C2CD2L: variants seen among roughly 807,000 people sequenced by gnomAD.
The protein encoded by C2CD2L is phospholipid transfer protein C2CD2L.
In C2CD2L, 24 loss-of-function variants were observed where a neutral mutation model predicts 69.9. The ratio of observed to expected loss-of-function variants is 0.34; its 90% CI spans 0.25 to 0.48. The LOEUF is 0.48. C2CD2L is among the 20% of genes least tolerant of loss of function. C2CD2L has a pLI of 0.99. For missense variants in C2CD2L, 811 were observed against 941.5 expected, an observed-to-expected ratio of 0.86 and a Z score of 1.81; for synonymous variants, 367 against 391.0, an observed-to-expected ratio of 0.94 and a Z score of 0.72.
rs537560284 is a variant in C2CD2L at position 119,112,855 on chromosome 11, C to T, written c.1368C>T (p.Pro456=). 1.2e-6 allele frequency: 2 copies of T among 1,613,842 alleles called. No individual in the cohort carries two copies. The highest frequency in any genetic ancestry group is 3.3e-5 in the Admixed American group (2 of 59,994). ...CAGTCACCACTGTCCAGTCCCGGCC[C>T]CGTATAGACGGCAAATTAGGTAAAG... The part of the protein sequence containing the change: ...VTTVTTVQSR[P]RIDGKLDSPS... The change falls in exon 10 of 14, where the codon CCC becomes CCT. Residue 456 remains proline (P), a synonymous_variant. Transcript: ENST00000648610.
At chr11:119,102,477 T>G, upstream of C2CD2L, 2 of 374,450 alleles carry the variant, frequency 5.3e-6, no homozygotes, top group Non-Finnish European at 1.1e-5. Flanking sequence ...CTGTTTTTCT[T>G]GTCCTCGATT....
chr11:119,116,286 C>T lies in C2CD2L; in HGVS notation c.*30C>T, dbSNP rs1310763962. On this transcript the variant is annotated 3_prime_UTR_variant, in exon 14 of 14. Coordinates refer to ENST00000648610, the MANE Select transcript of C2CD2L (RefSeq NM_001290474.2). ...CCAGCTCTGAAAGGGCACGAGTTCT[C>T]TCAGCCCATTCCCCACCTCCCCTTC... The T allele has an allele frequency of 6.5e-7, 1 of 1,535,542 alleles. No individual in the cohort carries two copies. Among genetic ancestry groups the T allele is most frequent in the Admixed American group, 1.7e-5 (1 of 59,764 alleles).
At chr11:119,112,929 C>T in intron 10 of C2CD2L, 55 bp downstream of exon 10, 2 of 1,477,302 alleles carry the variant, frequency 1.4e-6, no homozygotes, top group Non-Finnish European at 9.3e-7. Context: ...GGACTGCAGA[C>T]CCAAGGCAGG....
upstream of C2CD2L, among the ~76,000 whole-genome samples, chr11:119,104,339 C>T (rs1322436191): frequency 6.6e-6 from 1 of 152,146 alleles, no homozygotes; most frequent in Non-Finnish European, 1.5e-5. Context: ...TATTGGGAAG[C>T]TTTATCTCTT....
rs940118955 is a variant in C2CD2L at position 119,109,446 on chromosome 11, C to A, written c.355-658C>A. On this transcript the variant is annotated intron_variant, in intron 1 of 13. Transcript: ENST00000648610. This position sits in a 1 kb window ranked among gnomAD's most constrained non-coding sequence, Gnocchi z 5.1. ...CTCTCTAATACCGTCCTGCTATCTG[C>A]CTTGAGGAATTAGCCAGGCCCCTGG... 2.6e-5 allele frequency among the ~76,000 whole-genome samples: 4 copies of A among 152,224 alleles called. No individual in the cohort carries two copies. The highest frequency in any genetic ancestry group is 9.7e-5 in the African/African-American group (4 of 41,450).
At chr11:119,104,731 C>T (rs761633938), upstream of C2CD2L, among the ~76,000 whole-genome samples, 1 of 152,222 alleles carries the variant, frequency 6.6e-6, no homozygotes, top group Non-Finnish European at 1.5e-5. Context: ...TCTAAGTAGC[C>T]TTGAGTGGCT....
At chr11:119,113,387 C>A in intron 10 of C2CD2L, 1 of 575,378 alleles carries the variant, frequency 1.7e-6, no homozygotes. Flanking sequence ...TTCATAGCAT[C>A]TCCCCACACC....
In C2CD2L at chr11:119,110,596, G is replaced by C; in HGVS notation, c.486G>C (p.Arg162=). The C allele has an allele frequency of 6.2e-7, 1 of 1,610,918 alleles. No homozygotes were observed. The highest frequency in any genetic ancestry group is 8.5e-7 in the Non-Finnish European group (1 of 1,179,462). Residue 162 remains arginine (R), a synonymous_variant, in exon 3 of 14, where the codon CGG becomes CGC. Coordinates refer to ENST00000648610, the MANE Select transcript of C2CD2L (RefSeq NM_001290474.2). The surrounding 1 kb of genome is among the most constrained non-coding windows in gnomAD (Gnocchi z 5.7). ...GCCAGCTCTCTGCTGAGGAGGTGCG[G>C]TTCCCAGTCTCTGTGACCCAGCAGT... ...LRCQLSAEEV[R]FPVSVTQQSP...
At chr11:119,113,501 A>G (rs1054112027) in intron 10 of C2CD2L, 110 bp from the exon 11 acceptor site, 8 of 1,463,050 alleles carry the variant, frequency 5.5e-6, no homozygotes, top group Non-Finnish European at 7.3e-6. Context: ...ATCACCCTTT[A>G]ATCATTCTTG....
In C2CD2L at chr11:119,113,884, C is replaced by G; in HGVS notation, c.1519C>G (p.Pro507Ala). Residue 507 changes from proline (P) to alanine (A), a missense_variant, in exon 12 of 14, where the codon CCT becomes GCT. Transcript: ENST00000648610. The stretch of plus-strand genomic sequence containing the variant: ...CAGCCACCTTTCCAACGGCTTGGAC[C>G]CTGTAGCAGAGACAGCGATTCGCCA... The part of the protein sequence containing the change: ...RDSHLSNGLD[P>A]VAETAIRQLT... 5 of 1,614,146 alleles carry G rather than the reference C, an allele frequency of 3.1e-6. No homozygotes were observed. Among genetic ancestry groups the G allele is most frequent in the Non-Finnish European group, 4.2e-6 (5 of 1,180,018 alleles).
At chr11:119,102,853 T>C (rs1946530444), upstream of C2CD2L, among the ~76,000 whole-genome samples, 1 of 143,160 alleles carries the variant, frequency 7.0e-6, no homozygotes, top group Admixed American at 7.2e-5. Context: ...AAACAACAAT[T>C]CACCAGCTTT....
rs547150060 is a variant in C2CD2L, at chr11:119,113,617, C to T, written c.1394C>T (p.Pro465Leu). The T allele has an allele frequency of 6.2e-7, 1 of 1,613,080 alleles. No homozygotes were observed. The highest frequency in any genetic ancestry group is 2.2e-5 in the East Asian group (1 of 44,862). Residue 465 changes from proline to leucine, a missense_variant, in exon 11 of 14, where the codon CCC becomes CTC. Physicochemically the swap from Pro to Leu is moderately conservative, Grantham distance 98. Coordinates refer to ENST00000648610, the MANE Select transcript of C2CD2L (RefSeq NM_001290474.2). ...RPRIDGKLDS[P>L]SRSPSKVEVT... ...ACCCTCCCCCACCCACCAGACTCCC[C>T]CTCCCGCTCCCCGTCCAAGGTGGAG...
intron 1 of C2CD2L, among the ~76,000 whole-genome samples, chr11:119,108,753 G>A (rs1175322277): frequency 6.6e-6 from 1 of 152,150 alleles, no homozygotes; most frequent in Non-Finnish European, 1.5e-5. Flanking sequence ...CCAGGAAGTG[G>A]GGCAGGAAGC....
rs952944159 is a variant in C2CD2L, at chr11:119,108,314, G to A, written c.354+219G>A. On this transcript the variant is annotated intron_variant, in intron 1 of 13. Transcript: ENST00000648610. ...TCCATTTCTGTGGGCAAGGTACTCT[G>A]GTTCCAAACCCATGCACAAGTTGCT... The A allele has an allele frequency of 5.9e-6, 3 of 509,490 alleles. No individual in the cohort carries two copies. The East Asian group carries it at 1.1e-4, about 18-fold the overall frequency. The allele number at this position is 509,490 out of a possible 1,614,324, so 31.6% of individuals were successfully genotyped here.
intron 7 of C2CD2L, chr11:119,111,863 AACCGCTCCAGT>A (rs1946751929): frequency 1.9e-6 from 1 of 515,452 alleles, no homozygotes; most frequent in Non-Finnish European, 3.5e-6. Flanking sequence ...AAGATGGTAA[AACCGCTCCAGT>A]TGAGGTTTAT....
At chr11:119,104,714 C>T (rs142246192), upstream of C2CD2L, among the ~76,000 whole-genome samples, 206 of 152,338 alleles carry the variant, frequency 1.4e-3, no homozygotes, top group Non-Finnish European at 2.2e-3. Flanking sequence ...TTGAGATGCA[C>T]ACCTCTTCTA....
chr11:119,102,482 T>C, upstream of C2CD2L: 1 of 371,654 alleles, frequency 2.7e-6, no homozygotes, highest in Non-Finnish European at 5.6e-6. Context: ...TTTCTTGTCC[T>C]CGATTCTGGT....
rs1288298500 is a variant in C2CD2L at position 119,114,463 on chromosome 11, A to G, written c.1909+98A>G. On this transcript the variant is annotated intron_variant, in intron 13 of 13. Coordinates refer to ENST00000648610, the MANE Select transcript of C2CD2L (RefSeq NM_001290474.2). The surrounding 1 kb of genome is among the most constrained non-coding windows in gnomAD (Gnocchi z 5.1). ...CAGTGTGCCTTCTCCTTCCTCCCCT[A>G]AGAGATAGCCGGATTCCCAGCCTAG... 8.1e-7 allele frequency: 1 copy of G among 1,231,566 alleles called. No homozygotes were observed. Among genetic ancestry groups the G allele is most frequent in the African/African-American group, 1.5e-5 (1 of 67,276 alleles). 76.3% of individuals were successfully genotyped at this position (1,231,566 alleles called of 1,614,324 possible).
In C2CD2L at chr11:119,107,880, G is replaced by A; in HGVS notation, c.139G>A (p.Gly47Ser). ...LWLARARGDRGPGPALAGEPA... is the reference protein window; with the variant it reads ...LWLARARGDRSPGPALAGEPA... ...GCTGGCGCGGGCCCGCGGGGACCGG[G>A]GCCCGGGACCCGCCTTAGCCGGGGA... The change falls in exon 1 of 14, where the codon GGC becomes AGC. Residue 47 changes from glycine (G) to serine (S), a missense_variant. Gly to Ser is a moderately conservative substitution (Grantham distance 56). Coordinates refer to ENST00000648610, the MANE Select transcript of C2CD2L (RefSeq NM_001290474.2). This position sits in a 1 kb window ranked among gnomAD's most constrained non-coding sequence, Gnocchi z 5.4. 1.3e-6 allele frequency: 2 copies of A among 1,519,040 alleles called. No homozygotes were observed. The highest frequency in any genetic ancestry group is 1.8e-6 in the Non-Finnish European group (2 of 1,141,942). The allele number at this position is 1,519,040 out of a possible 1,614,324, so 94.1% of individuals were successfully genotyped here.
Sources: allele counts gnomAD v4.1 joint callset (sites outside exome capture counted in the v4.1 genomes callset), GRCh38; gene constraint gnomAD v4.1.1; non-coding constraint Gnocchi (gnomAD v3.1); transcripts MANE v1.5; gene names NCBI Gene and HGNC (gene_info 2026-07-23, HGNC 2026-07-21).